Variants in CSMD1 observed in about 807,000 individuals in gnomAD.
CSMD1 encodes CUB and Sushi multiple domains 1, also known as CUB and sushi domain-containing protein 1.
A neutral mutation model predicts 417.5 loss-of-function variants in CSMD1; 213 were observed. The observed-to-expected ratio is 0.51, with a 90% CI of 0.46 to 0.57. CSMD1 has a LOEUF of 0.57. Ranked by LOEUF, CSMD1 falls within the 20% of genes least tolerant of loss-of-function variation. The probability of loss-of-function intolerance (pLI) is 0.00; values close to 1 mark genes in which losing one functional copy is unlikely to be tolerated. For synonymous variants in CSMD1, 2,862 were observed against 1,736.8 expected, an observed-to-expected ratio of 1.65 and a Z score of -16.11; for missense variants, 6,923 against 4,529.7, an observed-to-expected ratio of 1.53 and a Z score of -15.17.
chr8:3,969,203 T>C (rs1812904178), intron 5 of CSMD1, among the ~76,000 whole-genome samples: 1 of 152,146 alleles, frequency 6.6e-6, no homozygotes, highest in African/African-American at 2.4e-5. Context: ...TGAGCCTAGA[T>C]CGTGACACTG....
At chr8:4,153,919 C>T (rs530749223) in intron 3 of CSMD1, among the ~76,000 whole-genome samples, 7 of 152,226 alleles carry the variant, frequency 4.6e-5, no homozygotes, top group Admixed American at 2.6e-4. Context: ...ACCCAGCCAA[C>T]GAGGCACTGT....
intron 7 of CSMD1, among the ~76,000 whole-genome samples, chr8:3,661,713 T>C (rs1400825250): frequency 8.5e-5 from 13 of 152,240 alleles, no homozygotes; most frequent in African/African-American, 2.9e-4. Context: ...GTCAGGCTAG[T>C]CTCGAACTCC....
chr8:4,968,936 A>C (rs1810060897), intron 1 of CSMD1, among the ~76,000 whole-genome samples: 1 of 152,116 alleles, frequency 6.6e-6, no homozygotes, highest in Non-Finnish European at 1.5e-5. Flanking sequence ...ACATTTTGTC[A>C]TTCTCTCCAT....
At chr8:3,523,000 C>T (rs1318720098) in intron 10 of CSMD1, among the ~76,000 whole-genome samples, 2 of 126,334 alleles carry the variant, frequency 1.6e-5, no homozygotes, top group African/African-American at 3.2e-5. Context: ...AATGGAGATA[C>T]ATATATACAC....
intron 5 of CSMD1, among the ~76,000 whole-genome samples, chr8:3,988,002 C>T (rs1762705077): frequency 6.6e-6 from 1 of 152,174 alleles, no homozygotes; most frequent in Non-Finnish European, 1.5e-5. Context: ...TTGAAAAGAG[C>T]TCAAAATGAT....
intron 5 of CSMD1, among the ~76,000 whole-genome samples, chr8:3,853,923 T>G (rs895157717): frequency 1.4e-5 from 2 of 146,740 alleles, no homozygotes; most frequent in African/African-American, 5.0e-5. Context: ...TAAAGTATAA[T>G]ATATTAATAT....
At chr8:4,062,578 T>G (rs939218019) in intron 3 of CSMD1, among the ~76,000 whole-genome samples, 2 of 151,080 alleles carry the variant, frequency 1.3e-5, no homozygotes, top group African/African-American at 4.9e-5. Context: ...CCTATAAAAG[T>G]TTTCAGTGAT....
intron 12 of CSMD1, among the ~76,000 whole-genome samples, chr8:3,418,904 T>C (rs1416840313): frequency 6.6e-6 from 1 of 152,200 alleles, no homozygotes; most frequent in Non-Finnish European, 1.5e-5. Flanking sequence ...AAGGTAGTAA[T>C]GAGAAGCACC....
At chr8:3,028,048 G>A (rs902659595) in intron 51 of CSMD1, among the ~76,000 whole-genome samples, 2 of 152,220 alleles carry the variant, frequency 1.3e-5, no homozygotes, top group African/African-American at 4.8e-5. Flanking sequence ...GACACCGTAG[G>A]TGGGCATCCC....
intron 23 of CSMD1, among the ~76,000 whole-genome samples, chr8:3,336,001 T>C (rs56156326): frequency 0.011 from 1,682 of 152,196 alleles, 21 homozygotes; most frequent in African/African-American, 0.038. Flanking sequence ...CGATGAGTAA[T>C]CCTTAAGCCT....
At chr8:4,914,561 G>C (rs1056010197) in intron 1 of CSMD1, among the ~76,000 whole-genome samples, 2 of 140,470 alleles carry the variant, frequency 1.4e-5, no homozygotes, top group East Asian at 2.0e-4. Context: ...CTGGGAGACA[G>C]CGAGACTCCA....
At chr8:3,034,785 G>A (rs1030319078) in intron 50 of CSMD1, among the ~76,000 whole-genome samples, 2 of 152,140 alleles carry the variant, frequency 1.3e-5, no homozygotes. Flanking sequence ...TTCATTTCAT[G>A]ACATTAAACA....
chr8:3,333,076 G>A (rs992983680), intron 23 of CSMD1, among the ~76,000 whole-genome samples: 4 of 152,190 alleles, frequency 2.6e-5, no homozygotes, highest in Admixed American at 2.0e-4. Flanking sequence ...CCACAGCCAC[G>A]TGGCAGGGAA....
rs532460759 is a variant in CSMD1, at chr8:3,992,913, C to G, written c.818+4990G>C. ...TGCTTTTCCAAAGCCATTTTTCTCA[C>G]AAAAGATTGAATTGTTAACATGGGA... On this transcript the variant is annotated intron_variant, in intron 5 of 69. Coordinates refer to ENST00000635120, the MANE Select transcript of CSMD1 (RefSeq NM_033225.6). Among the ~76,000 whole-genome samples the G allele has an allele frequency of 9.6e-4, 146 of 152,332 alleles. 2 individuals carry two copies. The highest frequency in any genetic ancestry group is 9.1e-4 in the Admixed American group (14 of 15,304).
intron 5 of CSMD1, among the ~76,000 whole-genome samples, chr8:3,956,112 C>G (rs1273727700): frequency 6.6e-6 from 1 of 152,148 alleles, no homozygotes; most frequent in Admixed American, 6.5e-5. Flanking sequence ...CCTTTCTAAC[C>G]CTTTTAAGTT....
Position 3,536,655 on chromosome 8 carries a change from C to T in CSMD1, c.1344+38290G>A, listed in dbSNP as rs543068823. On this transcript the variant is annotated intron_variant, in intron 10 of 69. Coordinates refer to ENST00000635120, the MANE Select transcript of CSMD1 (RefSeq NM_033225.6). ...GTGAGCTGTCACTACCATCTAGTGG[C>T]AGTGGTCAGAAGTGTAGGCACAGAG... Among the ~76,000 whole-genome samples the T allele has an allele frequency of 2.6e-4, 40 of 152,220 alleles. No homozygotes were observed. The South Asian group carries it at 4.2e-3, about 16-fold the overall frequency.
At chr8:4,690,965 G>A (rs978837932) in intron 1 of CSMD1, among the ~76,000 whole-genome samples, 18 of 152,168 alleles carry the variant, frequency 1.2e-4, no homozygotes, top group African/African-American at 3.9e-4. Flanking sequence ...TTGAGCTCAT[G>A]ATCTGCCTGC....
At chr8:3,078,029 T>C (rs1179872338) in intron 49 of CSMD1, among the ~76,000 whole-genome samples, 1 of 152,258 alleles carries the variant, frequency 6.6e-6, no homozygotes, top group Non-Finnish European at 1.5e-5. Context: ...TTGTGAAATA[T>C]TTTGAGTATT....
intron 41 of CSMD1, among the ~76,000 whole-genome samples, chr8:3,129,305 C>G (rs1269257362): frequency 1.3e-5 from 2 of 152,106 alleles, no homozygotes; most frequent in Non-Finnish European, 2.9e-5. Flanking sequence ...GTGAGTCAAC[C>G]AAAGCAATTG....
Sources: allele counts gnomAD v4.1 joint callset (sites outside exome capture counted in the v4.1 genomes callset), GRCh38; gene constraint gnomAD v4.1.1; transcripts MANE v1.5; gene names NCBI Gene and HGNC (gene_info 2026-07-23, HGNC 2026-07-21).